GIMAP6: variants seen among roughly 807,000 people sequenced by gnomAD.
The protein encoded by GIMAP6 is GTPase IMAP family member 6.
GIMAP6 carries 6 observed loss-of-function variants against 9.3 expected under a neutral mutation model. The observed-to-expected ratio is 0.65, with a 90% CI of 0.35 to 1.27. GIMAP6 has a LOEUF of 1.27. Among genes scored for constraint, GIMAP6 ranks in the 50% most tolerant of loss-of-function variants. The pLI is 0.03. For missense variants in GIMAP6, 333 were observed against 359.5 expected (o/e 0.93, Z 0.60); for synonymous variants, 156 against 151.1 (o/e 1.03, Z -0.24).
Position 150,630,104 on chromosome 7 carries a change from ATT to A in GIMAP6, c.37_38del (p.Asn13SerfsTer56), listed in dbSNP as rs2116786062. The A allele has an allele frequency of 2.1e-6, 3 of 1,457,678 alleles. No individual in the cohort carries two copies. The East Asian group carries it at 7.5e-5, about 36-fold the overall frequency. The allele number at this position is 1,457,678 out of a possible 1,614,324, so 90.3% of individuals were successfully genotyped here. ...GATCCTGGGACAGCTCTTCTGGGGG[ATT>A]CTCCTGGGGAATTTGTTCATATTCT... ...EEEYEQIPQENPPEELSQDPV... is the reference protein window; with the variant it reads ...EEEYEQIPQEXPPEELSQDPV... On this transcript the variant is annotated frameshift_variant, in exon 2 of 3. Transcript: ENST00000328902. LOFTEE classifies it high-confidence loss of function.
At position 150,627,227 on chromosome 7, in the gene GIMAP6, T is replaced by G. The variant is rs1356171312; in HGVS notation, c.*492A>C. Reference sequence around the variant, plus strand: ...CCCATGTCTCAGCACCACTGCCATGTTCCAGCCACCAGACACAACAGGCAC... The same window carrying G: ...CCCATGTCTCAGCACCACTGCCATGGTCCAGCCACCAGACACAACAGGCAC... On this transcript the variant is annotated 3_prime_UTR_variant, in exon 3 of 3. Coordinates refer to ENST00000328902, the MANE Select transcript of GIMAP6 (RefSeq NM_024711.6). 5 of 181,192 alleles carry G rather than the reference T, an allele frequency of 2.8e-5. No homozygotes were observed. The highest frequency in any genetic ancestry group is 4.6e-5 in the Non-Finnish European group (4 of 86,154). The allele number at this position is 181,192 out of a possible 1,614,324, so 11.2% of individuals were successfully genotyped here.
intron 1 of GIMAP6, among the ~76,000 whole-genome samples, chr7:150,630,587 T>G (rs1156654367): frequency 1.3e-5 from 2 of 152,254 alleles, no homozygotes; most frequent in East Asian, 1.9e-4. Flanking sequence ...AGGCCTGGTG[T>G]GCCTGGAGGA....
intron 2 of GIMAP6, chr7:150,628,884 TC>T: frequency 1.6e-6 from 1 of 610,752 alleles, no homozygotes; most frequent in Non-Finnish European, 2.7e-6. Flanking sequence ...ATAGCTGGTT[TC>T]CCAGTCTTGT....
intron 1 of GIMAP6, among the ~76,000 whole-genome samples, 190 bp downstream of exon 1, chr7:150,631,979 T>TACACAA (rs1796398796): frequency 6.6e-6 from 1 of 150,724 alleles, no homozygotes; most frequent in Admixed American, 6.6e-5. Flanking sequence ...CACAAACACA[T>TACACAA]ACACAAACAC....
Position 150,627,554 on chromosome 7 carries a change from C to G in GIMAP6, c.*165G>C. On this transcript the variant is annotated 3_prime_UTR_variant, in exon 3 of 3. Transcript: ENST00000328902. The stretch of plus-strand genomic sequence containing the variant: ...AGGAATGAAGGAACTGGAATGTGAT[C>G]TGGGCATGCTGGACCCTGTCCTCAA... 1 of 742,372 alleles carries G rather than the reference C, an allele frequency of 1.3e-6. No homozygotes were observed. Among genetic ancestry groups the G allele is most frequent in the East Asian group, 2.6e-5 (1 of 38,180 alleles). The allele number at this position is 742,372 out of a possible 1,614,324, so 46.0% of individuals were successfully genotyped here. A position where few individuals can be genotyped will look rare whatever the true frequency, so the allele number is the denominator to read the frequency against.
In GIMAP6 at chr7:150,627,669, C is replaced by T. The variant is rs1796317056; in HGVS notation, c.*50G>A. 1 of 1,609,170 alleles carries T rather than the reference C, an allele frequency of 6.2e-7. No individual in the cohort carries two copies. The highest frequency in any genetic ancestry group is 1.3e-5 in the African/African-American group (1 of 74,854). ...GGAAAGAGAAACAGAGGGCTGGACA[C>T]AGGGGGGTGCAAAGGCTGATGGTGT... On this transcript the variant is annotated 3_prime_UTR_variant, in exon 3 of 3. Coordinates refer to ENST00000328902, the MANE Select transcript of GIMAP6 (RefSeq NM_024711.6).
chr7:150,630,994 TA>T (rs1297530571), intron 1 of GIMAP6, among the ~76,000 whole-genome samples: 2 of 152,152 alleles, frequency 1.3e-5, no homozygotes, highest in African/African-American at 4.8e-5. Context: ...CAAGATCCCA[TA>T]AGGTTCTCTC....
chr7:150,627,608 G>C lies in GIMAP6; in HGVS notation c.*111C>G, dbSNP rs547192941. On this transcript the variant is annotated 3_prime_UTR_variant, in exon 3 of 3. Transcript: ENST00000328902. ...CCATGCCCCTCTTCCTACACCAGACGTCATGACCTGGAGACTGGGAAGCAC... is the reference window on the plus strand; with the variant it reads ...CCATGCCCCTCTTCCTACACCAGACCTCATGACCTGGAGACTGGGAAGCAC... 2.2e-6 allele frequency: 3 copies of C among 1,348,786 alleles called. No individual in the cohort carries two copies. The highest frequency in any genetic ancestry group is 1.7e-5 in the Admixed American group (1 of 59,086). The allele number at this position is 1,348,786 out of a possible 1,614,324, so 83.6% of individuals were successfully genotyped here.
At chr7:150,629,572 G>A (rs1023617465) in intron 2 of GIMAP6, among the ~76,000 whole-genome samples, 12 of 152,108 alleles carry the variant, frequency 7.9e-5, no homozygotes, top group African/African-American at 2.9e-4. Flanking sequence ...GGACGCCCTC[G>A]ATAAGGCAGA....
intron 2 of GIMAP6, among the ~76,000 whole-genome samples, chr7:150,629,374 C>A: frequency 6.6e-6 from 1 of 152,180 alleles, no homozygotes; most frequent in Non-Finnish European, 1.5e-5. Flanking sequence ...CCAGATGGCT[C>A]AGGCCATTTA....
chr7:150,628,762 A>G (rs1039552962), intron 2 of GIMAP6: 29 of 1,442,212 alleles, frequency 2.0e-5, no homozygotes, highest in African/African-American at 7.2e-5. Context: ...GAACACCAAG[A>G]AACCCAATAC....
intron 2 of GIMAP6, chr7:150,628,826 T>C (rs1366351597): frequency 4.5e-5 from 54 of 1,189,898 alleles, no homozygotes; most frequent in Admixed American, 9.4e-5. Context: ...TCCCTTCTCC[T>C]GGCCTTGCGG....
At chr7:150,628,667 G>A (rs753375650) in intron 2 of GIMAP6, 155 bp from the exon 3 acceptor site, 87 of 1,573,974 alleles carry the variant, frequency 5.5e-5, no homozygotes, top group Non-Finnish European at 7.2e-5. Context: ...CCACCATTCT[G>A]GGCCCACATC....
At position 150,627,800 on chromosome 7, in the gene GIMAP6, C is replaced by T; in HGVS notation, c.798G>A (p.Glu266=). 1 of 1,614,268 alleles carries T rather than the reference C, an allele frequency of 6.2e-7. No homozygotes were observed. Among genetic ancestry groups the T allele is most frequent in the South Asian group, 1.1e-5 (1 of 91,090 alleles). Residue 266 remains glutamate (E), a synonymous_variant, in exon 3 of 3, where the codon GAG becomes GAA. Transcript: ENST00000328902. ...GQGSEDVPGE[E]SWLEGLSQIQ... The stretch of plus-strand genomic sequence containing the variant: ...TCTGGGACAGTCCTTCCAGCCAAGA[C>T]TCCTCACCAGGCACGTCCTCAGAGC...
intron 1 of GIMAP6, among the ~76,000 whole-genome samples, chr7:150,631,683 G>A (rs1188767792): frequency 6.6e-6 from 1 of 152,150 alleles, no homozygotes; most frequent in African/African-American, 2.4e-5. Context: ...GACCCTCCCC[G>A]GAATGGCACC....
At chr7:150,630,750 A>G (rs1051300977) in intron 1 of GIMAP6, among the ~76,000 whole-genome samples, 1 of 152,234 alleles carries the variant, frequency 6.6e-6, no homozygotes, top group African/African-American at 2.4e-5. Context: ...AGCAGCCACC[A>G]GTTAGCTCTG....
At chr7:150,630,259 A>G in intron 1 of GIMAP6, 117 bp from the exon 2 acceptor site, 1 of 722,946 alleles carries the variant, frequency 1.4e-6, no homozygotes, top group Non-Finnish European at 2.2e-6. Flanking sequence ...GCATTAGTTT[A>G]GGGTTGGGGT....
At position 150,628,163 on chromosome 7, in the gene GIMAP6, G is replaced by T. The variant is rs1189271343; in HGVS notation, c.435C>A (p.Arg145=). The T allele has an allele frequency of 6.2e-7, 1 of 1,614,216 alleles. No individual in the cohort carries two copies. The highest frequency in any genetic ancestry group is 2.2e-5 in the East Asian group (1 of 44,880). ...FTDEDQQVVR[R]LQEVFGVGVL... ...CCCCCACTCCAAAGACCTCCTGCAG[G>T]CGCCTGACCACCTGCTGATCCTCAT... Residue 145 remains arginine, a synonymous_variant, in exon 3 of 3, where the codon CGC becomes CGA. Transcript: ENST00000328902.
At chr7:150,631,687 T>G (rs1049862257) in intron 1 of GIMAP6, among the ~76,000 whole-genome samples, 8 of 152,200 alleles carry the variant, frequency 5.3e-5, no homozygotes, top group African/African-American at 1.9e-4. Context: ...CTCCCCGGAA[T>G]GGCACCTCCC....
Sources: gnomAD v4.1 joint callset for allele counts (sites outside exome capture counted in the v4.1 genomes callset) on GRCh38, gnomAD v4.1.1 for gene constraint, MANE v1.5 for transcripts, NCBI Gene and HGNC (gene_info 2026-07-23, HGNC 2026-07-21) for gene names.